Variants in GRID1 observed in about 807,000 individuals in gnomAD.
GRID1 encodes glutamate receptor ionotropic, delta-1.
GRID1 carries 28 observed loss-of-function variants against 98.0 expected under a neutral mutation model. That is an observed-to-expected ratio of 0.29 (90% CI 0.21 to 0.39). The LOEUF (loss-of-function observed/expected upper bound fraction) is 0.39, where lower values mean the gene tolerates loss of function less well. Among genes scored for constraint, GRID1 ranks in the 10% least tolerant of loss-of-function variants. The pLI, the probability that GRID1 is intolerant of heterozygous loss-of-function variation, is 1.00. For missense variants in GRID1, 1,111 were observed against 1,340.5 expected (o/e 0.83, Z 2.67); for synonymous variants, 553 against 538.5 (o/e 1.03, Z -0.37).
intron 4 of GRID1, among the ~76,000 whole-genome samples, chr10:86,060,063 G>A (rs563943370): frequency 1.3e-5 from 2 of 152,252 alleles, no homozygotes; most frequent in South Asian, 2.1e-4. Context: ...CAGTGGCTCT[G>A]GCAATGATGG....
At chr10:86,175,836 A>G (rs1845568723) in intron 3 of GRID1, among the ~76,000 whole-genome samples, 1 of 152,012 alleles carries the variant, frequency 6.6e-6, no homozygotes, top group Non-Finnish European at 1.5e-5. Flanking sequence ...CAACCTCCTG[A>G]GTAGCTGAGA....
intron 8 of GRID1, among the ~76,000 whole-genome samples, chr10:85,818,725 A>AT (rs199713936): frequency 0.22 from 32,409 of 148,522 alleles, 3,958 homozygotes; most frequent in African/African-American, 0.34. Context: ...AGCAATAGTA[A>AT]TTTTTTTTTT....
At chr10:86,154,670 A>G (rs904254921) in intron 3 of GRID1, among the ~76,000 whole-genome samples, 1 of 152,204 alleles carries the variant, frequency 6.6e-6, no homozygotes, top group Non-Finnish European at 1.5e-5. Context: ...CATGGAAAAA[A>G]TGTTCAAATT....
chr10:86,324,270 A>G (rs772950668), intron 2 of GRID1, among the ~76,000 whole-genome samples: 5 of 152,234 alleles, frequency 3.3e-5, no homozygotes, highest in Non-Finnish European at 7.3e-5. Flanking sequence ...TCGGGGCAGA[A>G]GGACATTGAG....
At chr10:86,262,361 C>A (rs898456113) in intron 2 of GRID1, among the ~76,000 whole-genome samples, 6 of 152,228 alleles carry the variant, frequency 3.9e-5, no homozygotes, top group Admixed American at 2.6e-4. Flanking sequence ...ACTGGCCAGA[C>A]CTTGGGCACC....
At chr10:85,831,425 G>T (rs1842866585) in intron 8 of GRID1, among the ~76,000 whole-genome samples, 1 of 151,604 alleles carries the variant, frequency 6.6e-6, no homozygotes. Flanking sequence ...ATATACCCCT[G>T]AAGCTAAAAT....
intron 2 of GRID1, among the ~76,000 whole-genome samples, chr10:86,246,625 G>A (rs963910966): frequency 6.6e-6 from 1 of 152,106 alleles, no homozygotes; most frequent in African/African-American, 2.4e-5. Flanking sequence ...TCCTTTTCCA[G>A]GTCCCTCCAT....
At chr10:86,003,584 T>C (rs1006711671) in intron 4 of GRID1, among the ~76,000 whole-genome samples, 3 of 152,158 alleles carry the variant, frequency 2.0e-5, no homozygotes, top group African/African-American at 7.2e-5. Context: ...AGCCCAGGTG[T>C]GCATGAGTAC....
At chr10:85,914,962 C>G (rs1435628670) in intron 5 of GRID1, among the ~76,000 whole-genome samples, 1 of 152,138 alleles carries the variant, frequency 6.6e-6, no homozygotes, top group African/African-American at 2.4e-5. Flanking sequence ...AGAGGGGATT[C>G]TTTGGGAAAG....
chr10:86,328,571 T>A (rs1425899389), intron 2 of GRID1, among the ~76,000 whole-genome samples: 2 of 152,230 alleles, frequency 1.3e-5, no homozygotes, highest in Non-Finnish European at 2.9e-5. Context: ...CTTTTCCGCA[T>A]GTCCTCATTT....
chr10:86,173,585 T>TA (rs1554858369), intron 3 of GRID1, among the ~76,000 whole-genome samples: 2,008 of 150,382 alleles, frequency 0.013, 26 homozygotes, highest in Non-Finnish European at 0.024. Context: ...TTTATTTTAT[T>TA]TTATTATACT....
intron 4 of GRID1, among the ~76,000 whole-genome samples, chr10:86,114,735 C>G (rs772611681): frequency 6.6e-6 from 1 of 152,212 alleles, no homozygotes; most frequent in Non-Finnish European, 1.5e-5. Flanking sequence ...GAGTTCCGCA[C>G]TCTGTCATCT....
chr10:85,662,001 G>C (rs1840970280), intron 12 of GRID1, among the ~76,000 whole-genome samples: 1 of 152,316 alleles, frequency 6.6e-6, no homozygotes, highest in South Asian at 2.1e-4. Context: ...GTTCTCCCTG[G>C]AATGGTTTCC....
At chr10:85,814,049 A>C (rs1478078968) in intron 8 of GRID1, among the ~76,000 whole-genome samples, 1 of 151,920 alleles carries the variant, frequency 6.6e-6, no homozygotes, top group Non-Finnish European at 1.5e-5. Flanking sequence ...TGGAGACTGA[A>C]CAACCAAAAA....
chr10:85,996,308 A>G (rs1842737961), intron 4 of GRID1, among the ~76,000 whole-genome samples: 1 of 152,256 alleles, frequency 6.6e-6, no homozygotes, highest in Non-Finnish European at 1.5e-5. Context: ...TATTATAAAA[A>G]TGTTCCAACA....
chr10:85,797,211 A>G (rs12773768), intron 8 of GRID1, among the ~76,000 whole-genome samples: 9,559 of 152,170 alleles, frequency 0.063, 368 homozygotes, highest in Non-Finnish European at 0.081. Context: ...GATAATTTAA[A>G]TCAAAATTTC....
chr10:86,207,405 G>C (rs1181972099), intron 2 of GRID1, among the ~76,000 whole-genome samples: 1 of 152,160 alleles, frequency 6.6e-6, no homozygotes, highest in African/African-American at 2.4e-5. Context: ...CGCTCCAGCA[G>C]CCGCTTCTAG....
At chr10:85,811,248 A>G (rs190632386) in intron 8 of GRID1, among the ~76,000 whole-genome samples, 15 of 152,344 alleles carry the variant, frequency 9.8e-5, no homozygotes, top group Admixed American at 7.8e-4. Context: ...GGCTTTTCCT[A>G]TGAAACCTAT....
At chr10:86,009,864 T>C (rs978905217) in intron 4 of GRID1, among the ~76,000 whole-genome samples, 6 of 152,168 alleles carry the variant, frequency 3.9e-5, no homozygotes, top group Admixed American at 3.9e-4. Flanking sequence ...GTCATAGTCA[T>C]TAGCAGATAC....
Sources: allele counts gnomAD v4.1 joint callset (sites outside exome capture counted in the v4.1 genomes callset), GRCh38; gene constraint gnomAD v4.1.1; transcripts MANE v1.5; gene names NCBI Gene and HGNC (gene_info 2026-07-23, HGNC 2026-07-21).